WDR77: variants seen among roughly 807,000 people sequenced by gnomAD.
WDR77 encodes WD repeat domain 77.
In WDR77, 31 loss-of-function variants were observed where a neutral mutation model predicts 44.0. The observed-to-expected ratio is 0.70, with a 90% confidence interval of 0.53 to 0.95. The LOEUF (loss-of-function observed/expected upper bound fraction) is 0.95. WDR77 is among the 40% of genes least tolerant of loss of function. The pLI is 0.00. For synonymous variants in WDR77, 186 were observed against 165.7 expected (o/e 1.12, Z -0.94); for missense variants, 390 against 423.9 (o/e 0.92, Z 0.70).
intron 9 of WDR77, among the ~76,000 whole-genome samples, chr1:111,441,812 C>A (rs182420009): frequency 1.3e-5 from 2 of 152,300 alleles, no homozygotes; most frequent in East Asian, 1.9e-4. Context: ...TACCACCCCC[C>A]TCTACCAAGG....
rs1055776063 is a variant in WDR77, at chr1:111,440,037, T to C, written c.*1193A>G. The C allele has an allele frequency of 6.5e-6, 1 of 152,758 alleles. No individual in the cohort carries two copies. Among genetic ancestry groups the C allele is most frequent in the Admixed American group, 6.5e-5 (1 of 15,306 alleles). 9.5% of individuals were successfully genotyped at this position (152,758 alleles called of 1,614,324 possible). ...AAATTGAACCTGCAAAGCTCAAAAG[T>C]ACATAATTGATTATATTTACTTTCA... On this transcript the variant is annotated 3_prime_UTR_variant, in exon 10 of 10. Transcript: ENST00000235090.
Position 111,447,161 on chromosome 1 carries a change from AACAG to A in WDR77, c.444-21_444-18del, listed in dbSNP as rs1653073248. The A allele has an allele frequency of 1.2e-6, 2 of 1,613,924 alleles. No individual in the cohort carries two copies. The highest frequency in any genetic ancestry group is 1.7e-6 in the Non-Finnish European group (2 of 1,179,976). ...ACCTTGATGCTAAGAAGCAAAAGCA[AACAG>A]ACATTTAATCTTGACCTACACTATC... On this transcript the variant is annotated intron_variant, in intron 3 of 9. Coordinates refer to ENST00000235090, the MANE Select transcript of WDR77 (RefSeq NM_024102.4).
At position 111,441,072 on chromosome 1, in the gene WDR77, A is replaced by C; in HGVS notation, c.*158T>G. 1.3e-6 allele frequency: 1 copy of C among 770,494 alleles called. No individual in the cohort carries two copies. The allele number at this position is 770,494 out of a possible 1,614,324, so 47.7% of individuals were successfully genotyped here. A position where few individuals can be genotyped will look rare whatever the true frequency, so the allele number is the denominator to read the frequency against. On this transcript the variant is annotated 3_prime_UTR_variant, in exon 10 of 10. Transcript: ENST00000235090. ...CCTCCCTGTGACTACAGGAACCCAG[A>C]ATCCAGCCTCCCTCAGGCTGAGAGA...
intron 9 of WDR77, chr1:111,441,595 T>C: frequency 7.7e-7 from 1 of 1,291,820 alleles, no homozygotes; most frequent in Non-Finnish European, 9.8e-7. Context: ...TTTTCATAGA[T>C]GAAGAAATGC....
intron 4 of WDR77, among the ~76,000 whole-genome samples, chr1:111,445,247 T>C (rs1571367727): frequency 6.6e-6 from 1 of 152,296 alleles, no homozygotes; most frequent in East Asian, 1.9e-4. Context: ...CTACAGTCAT[T>C]TTACCAGACT....
At position 111,449,184 on chromosome 1, in the gene WDR77, C is replaced by T. The variant is rs1653203624; in HGVS notation, c.-15G>A. The T allele has an allele frequency of 6.4e-7, 1 of 1,564,020 alleles. No homozygotes were observed. Among genetic ancestry groups the T allele is most frequent in the South Asian group, 1.2e-5 (1 of 86,082 alleles). On this transcript the variant is annotated 5_prime_UTR_variant, in exon 1 of 10. Coordinates refer to ENST00000235090, the MANE Select transcript of WDR77 (RefSeq NM_024102.4). ...TCCTTCCGCATCTCCACGGTTCCAA[C>T]TCCAACCTAGACTCAAACTGGACGC...
chr1:111,443,822 C>CAGGG, intron 6 of WDR77, 45 bp downstream of exon 6: 1 of 1,613,434 alleles, frequency 6.2e-7, no homozygotes, highest in Non-Finnish European at 8.5e-7. Flanking sequence ...TCTCTTCTAT[C>CAGGG]AGGGTTCCAA....
chr1:111,445,747 C>G (rs557636184), intron 4 of WDR77, among the ~76,000 whole-genome samples: 1 of 151,896 alleles, frequency 6.6e-6, no homozygotes, highest in Non-Finnish European at 1.5e-5. Context: ...AAATAAAAAG[C>G]AAATATAATA....
chr1:111,448,968 G>A (rs1252782821), intron 1 of WDR77, 87 bp downstream of exon 1: 8 of 1,538,596 alleles, frequency 5.2e-6, no homozygotes, highest in South Asian at 1.2e-5. Context: ...AACATGCAGG[G>A]CGGGGATGGG....
intron 4 of WDR77, among the ~76,000 whole-genome samples, chr1:111,446,304 G>T (rs1279095582): frequency 6.6e-6 from 1 of 152,160 alleles, no homozygotes; most frequent in African/African-American, 2.4e-5. Flanking sequence ...ACAAAGAATG[G>T]CTCCCAAGAT....
In WDR77 at chr1:111,443,661, A is replaced by C; in HGVS notation, c.619+206T>G. 4.1e-6 allele frequency: 4 copies of C among 985,280 alleles called. No homozygotes were observed. In the South Asian group the frequency reaches 1.9e-4, roughly 46 times the overall value. 61.0% of individuals were successfully genotyped at this position (985,280 alleles called of 1,614,324 possible). A position where few individuals can be genotyped will look rare whatever the true frequency, so the allele number is the denominator to read the frequency against. On this transcript the variant is annotated intron_variant, in intron 6 of 9. Transcript: ENST00000235090. ...GTCCTACCATCTAATAAAGTAAATC[A>C]CCCACCCAGGAACTGGCCCTTCCTC...
chr1:111,442,413 T>A (rs1420888463), intron 8 of WDR77, among the ~76,000 whole-genome samples: 1 of 152,204 alleles, frequency 6.6e-6, no homozygotes, highest in East Asian at 1.9e-4. Context: ...ATTTTGGGTG[T>A]TGGGCAGGAA....
intron 2 of WDR77, 38 bp downstream of exon 2, chr1:111,448,581 A>C (rs990956695): frequency 6.2e-7 from 1 of 1,613,380 alleles, no homozygotes; most frequent in Non-Finnish European, 8.5e-7. Flanking sequence ...CTACCGTTCC[A>C]CCCGGGGGTG....
rs748907585 is a variant in WDR77, at chr1:111,447,085, G to A, written c.493+10C>T. On this transcript the variant is annotated intron_variant, in intron 4 of 9. Coordinates refer to ENST00000235090, the MANE Select transcript of WDR77 (RefSeq NM_024102.4). The stretch of plus-strand genomic sequence containing the variant: ...GCTAACACCAGGGCTAAAAATGAAA[G>A]AATACTCACCTCGGTATGAACTCAG... 3.7e-6 allele frequency: 6 copies of A among 1,613,708 alleles called. No homozygotes were observed. The highest frequency in any genetic ancestry group is 5.1e-6 in the Non-Finnish European group (6 of 1,179,888).
chr1:111,441,019 A>G lies in WDR77; in HGVS notation c.*211T>C. ...AATCTACACACACACTCACACGCAC[A>G]TACATGTCCATTTTTAAGAAAGCTT... On this transcript the variant is annotated 3_prime_UTR_variant, in exon 10 of 10. Coordinates refer to ENST00000235090, the MANE Select transcript of WDR77 (RefSeq NM_024102.4). The G allele has an allele frequency of 2.5e-6, 1 of 401,496 alleles. No homozygotes were observed. The highest frequency in any genetic ancestry group is 4.2e-6 in the Non-Finnish European group (1 of 236,238). The allele number at this position is 401,496 out of a possible 1,614,324, so 24.9% of individuals were successfully genotyped here. A position where few individuals can be genotyped will look rare whatever the true frequency, so the allele number is the denominator to read the frequency against.
chr1:111,448,385 A>G (rs1376372564), intron 2 of WDR77, among the ~76,000 whole-genome samples: 2 of 152,172 alleles, frequency 1.3e-5, no homozygotes, highest in African/African-American at 4.8e-5. Context: ...AATGGTTCCA[A>G]TCCGTTGCTT....
chr1:111,443,177 A>G, intron 7 of WDR77, 146 bp downstream of exon 7: 2 of 708,406 alleles, frequency 2.8e-6, no homozygotes, highest in Non-Finnish European at 4.5e-6. Context: ...GCATCACCCC[A>G]CCTCCCCACC....
Position 111,442,094 on chromosome 1 carries a change from C to T in WDR77, c.801-1G>A, listed in dbSNP as rs1409250348. 1.9e-6 allele frequency: 3 copies of T among 1,613,998 alleles called. No individual in the cohort carries two copies. The highest frequency in any genetic ancestry group is 1.1e-5 in the South Asian group (1 of 91,080). ...ACTGAGAGAGGCCAGGAAGGGAACACTATCAGATGGAGGAGAGGGTTGTGA... is the reference window on the plus strand; with the variant it reads ...ACTGAGAGAGGCCAGGAAGGGAACATTATCAGATGGAGGAGAGGGTTGTGA... On this transcript the variant is annotated splice_acceptor_variant, in intron 8 of 9. Transcript: ENST00000235090. LOFTEE classifies it high-confidence loss of function.
At chr1:111,442,320 T>C (rs774353587) in intron 8 of WDR77, among the ~76,000 whole-genome samples, 2 of 152,228 alleles carry the variant, frequency 1.3e-5, no homozygotes, top group Non-Finnish European at 2.9e-5. Flanking sequence ...CCACCCCATC[T>C]GGTCCCTCTC....
Sources: gnomAD v4.1 joint callset for allele counts (sites outside exome capture counted in the v4.1 genomes callset) on GRCh38, gnomAD v4.1.1 for gene constraint, MANE v1.5 for transcripts, NCBI Gene and HGNC (gene_info 2026-07-23, HGNC 2026-07-21) for gene names.